The following ZFHX3 variants were observed in gnomAD, a reference collection of about 807,000 sequenced individuals.
The protein encoded by ZFHX3 is zinc finger homeobox protein 3.
Under a neutral mutation model 279.1 loss-of-function variants are expected in ZFHX3, and 42 were observed. The ratio of observed to expected loss-of-function variants is 0.15; its 90% CI spans 0.12 to 0.19. The LOEUF (loss-of-function observed/expected upper bound fraction) is 0.19. ZFHX3 is among the 10% of genes least tolerant of loss of function. The pLI is 1.00. For synonymous variants in ZFHX3, 2,293 were observed against 1,957.8 expected (o/e 1.17, Z -4.52); for missense variants, 4,981 against 4,754.0 (o/e 1.05, Z -1.40).
chr16:73,056,997 C>G (rs536056597), intron 1 of ZFHX3, among the ~76,000 whole-genome samples: 1 of 152,282 alleles, frequency 6.6e-6, no homozygotes, highest in African/African-American at 2.4e-5. Flanking sequence ...TACAGCCAAG[C>G]GATCACCGTC....
chr16:73,210,519 C>T (rs1775477059), intron 5 of ZFHX3, among the ~76,000 whole-genome samples: 1 of 152,100 alleles, frequency 6.6e-6, no homozygotes, highest in South Asian at 2.1e-4. Context: ...AAAATCAATA[C>T]GTTGAAAGTG....
intron 3 of ZFHX3, among the ~76,000 whole-genome samples, chr16:72,945,866 A>G (rs1338278610): frequency 6.6e-6 from 1 of 152,058 alleles, no homozygotes; most frequent in Non-Finnish European, 1.5e-5. Flanking sequence ...GCCTCCAGGC[A>G]CCACCTACGG....
At chr16:73,053,876 T>C (rs1026369565) in intron 1 of ZFHX3, among the ~76,000 whole-genome samples, 8 of 152,200 alleles carry the variant, frequency 5.3e-5, no homozygotes, top group African/African-American at 1.9e-4. Flanking sequence ...GTGAAGGACC[T>C]GTTTACTGCA....
chr16:73,354,017 G>T (rs1324243727), intron 3 of ZFHX3, among the ~76,000 whole-genome samples: 2 of 152,128 alleles, frequency 1.3e-5, no homozygotes, highest in Non-Finnish European at 2.9e-5. Context: ...GGAAACTGAG[G>T]CTCAGAGAGG....
At chr16:73,093,731 A>G (rs1256467036) in intron 7 of ZFHX3, 2 of 213,750 alleles carry the variant, frequency 9.4e-6, no homozygotes, top group South Asian at 7.0e-5. Flanking sequence ...TTCCCAGGAA[A>G]ATTCTAACTA....
chr16:72,931,097 C>G (rs370869921), intron 3 of ZFHX3, among the ~76,000 whole-genome samples: 1 of 152,164 alleles, frequency 6.6e-6, no homozygotes, highest in Non-Finnish European at 1.5e-5. Flanking sequence ...CCTCTTGACA[C>G]CAGCATGAAA....
chr16:72,930,573 A>G (rs1373838132), intron 3 of ZFHX3, among the ~76,000 whole-genome samples: 1 of 152,214 alleles, frequency 6.6e-6, no homozygotes, highest in Non-Finnish European at 1.5e-5. Flanking sequence ...AGGATGCTTC[A>G]GAAATTAAAG....
chr16:73,011,648 T>G (rs902569977), intron 1 of ZFHX3, among the ~76,000 whole-genome samples: 2 of 151,750 alleles, frequency 1.3e-5, no homozygotes, highest in African/African-American at 4.8e-5. Context: ...CACTTGAACC[T>G]AGAGGCAGAG....
At chr16:73,861,058 G>A (rs1961870669) in intron 1 of ZFHX3, among the ~76,000 whole-genome samples, 4 of 151,456 alleles carry the variant, frequency 2.6e-5, no homozygotes, top group Non-Finnish European at 5.9e-5. Flanking sequence ...TGGCCTTCTG[G>A]GCTCAAGTAA....
chr16:73,699,130 A>G (rs2053224603), intron 1 of ZFHX3, among the ~76,000 whole-genome samples: 1 of 152,112 alleles, frequency 6.6e-6, no homozygotes, highest in South Asian at 2.1e-4. Flanking sequence ...TGATCCGCCC[A>G]CCTTGGCCTC....
chr16:72,931,498 T>C (rs1354968334), intron 3 of ZFHX3, among the ~76,000 whole-genome samples: 1 of 132,738 alleles, frequency 7.5e-6, no homozygotes, highest in Non-Finnish European at 1.6e-5. Context: ...GAGAAAACAA[T>C]CATGACTTCA....
At chr16:73,228,202 G>A (rs2012664273) in intron 5 of ZFHX3, among the ~76,000 whole-genome samples, 1 of 152,076 alleles carries the variant, frequency 6.6e-6, no homozygotes, top group Non-Finnish European at 1.5e-5. Flanking sequence ...ATTACATATG[G>A]CTTTTGCAGG....
At chr16:73,295,749 GC>G in intron 4 of ZFHX3, among the ~76,000 whole-genome samples, 1 of 152,302 alleles carries the variant, frequency 6.6e-6, no homozygotes, top group Non-Finnish European at 1.5e-5. Context: ...GGCAGTGGCT[GC>G]CCTTTCACAC....
At chr16:73,022,820 AC>A (rs991802440) in intron 1 of ZFHX3, among the ~76,000 whole-genome samples, 13 of 151,934 alleles carry the variant, frequency 8.6e-5, no homozygotes, top group African/African-American at 3.1e-4. Flanking sequence ...GGCAGTCACC[AC>A]CCTGTTCTAG....
chr16:73,134,041 A>C (rs1005100011), intron 6 of ZFHX3, among the ~76,000 whole-genome samples: 1 of 152,258 alleles, frequency 6.6e-6, no homozygotes, highest in African/African-American at 2.4e-5. Context: ...GTCTACGCCT[A>C]TATCTAATAT....
At chr16:73,393,641 T>C (rs1459707859) in intron 3 of ZFHX3, among the ~76,000 whole-genome samples, 1 of 152,202 alleles carries the variant, frequency 6.6e-6, no homozygotes, top group Non-Finnish European at 1.5e-5. Flanking sequence ...TGCTGTTTCC[T>C]AGCTCTGATC....
Position 72,959,725 on chromosome 16 carries a change from C to A in ZFHX3, c.421G>T (p.Ala141Ser), listed in dbSNP as rs997674247. Residue 141 changes from alanine to serine, a missense_variant, in exon 2 of 10, where the codon GCG becomes TCG. Ala to Ser is a moderately conservative substitution (Grantham distance 99). Coordinates refer to ENST00000268489, the MANE Select transcript of ZFHX3 (RefSeq NM_006885.4). ...TGGCTCAGGCTCTCCACAATGTACG[C>A]GGAGCCGTCCGGCTGGTAGACGATC... ...GEIVYQPDGS[A>S]YIVESLSQLT... 1 of 1,613,380 alleles carries A rather than the reference C, an allele frequency of 6.2e-7. No individual in the cohort carries two copies. Among genetic ancestry groups the A allele is most frequent in the Non-Finnish European group, 8.5e-7 (1 of 1,179,636 alleles).
intron 2 of ZFHX3, among the ~76,000 whole-genome samples, chr16:73,533,388 C>A (rs2019841772): frequency 6.7e-6 from 1 of 149,716 alleles, no homozygotes; most frequent in South Asian, 2.2e-4. Context: ...AAACACTTTA[C>A]TTCATACTAG....
At chr16:73,235,334 G>T (rs953203628) in intron 5 of ZFHX3, among the ~76,000 whole-genome samples, 1 of 152,208 alleles carries the variant, frequency 6.6e-6, no homozygotes, top group Admixed American at 6.5e-5. Flanking sequence ...CTCCCAAAGT[G>T]CTGGGACTAC....
Sources: allele counts gnomAD v4.1 joint callset (sites outside exome capture counted in the v4.1 genomes callset), GRCh38; gene constraint gnomAD v4.1.1; transcripts MANE v1.5; gene names NCBI Gene and HGNC (gene_info 2026-07-23, HGNC 2026-07-21).